Variants in VTI1A observed in about 807,000 individuals in gnomAD.
VTI1A encodes the protein vesicle transport through interaction with t-SNAREs homolog 1A.
VTI1A carries 22 observed loss-of-function variants against 34.9 expected under a neutral mutation model. That is an observed-to-expected ratio of 0.63 (90% CI 0.45 to 0.90). The LOEUF (loss-of-function observed/expected upper bound fraction) is 0.90. VTI1A is among the 40% of genes least tolerant of loss of function. The pLI is 0.00. For missense variants in VTI1A, 268 were observed against 275.6 expected (o/e 0.97, Z 0.20); for synonymous variants, 87 against 97.3 (o/e 0.89, Z 0.62).
the VTI1A span, among the ~76,000 whole-genome samples, chr10:112,842,712 A>G: frequency 6.6e-6 from 1 of 152,228 alleles, no homozygotes; most frequent in African/African-American, 2.4e-5. Context: ...GATCACAGAC[A>G]TAACACAGAA....
intron 7 of VTI1A, among the ~76,000 whole-genome samples, chr10:112,690,510 C>A (rs1262731207): frequency 6.6e-6 from 1 of 152,154 alleles, no homozygotes; most frequent in Admixed American, 6.5e-5. Flanking sequence ...TTTACATTAC[C>A]CACCTGTAAC....
At chr10:112,770,576 T>TTA (rs1348400668) in intron 7 of VTI1A, among the ~76,000 whole-genome samples, 1 of 151,154 alleles carries the variant, frequency 6.6e-6, no homozygotes, top group African/African-American at 2.4e-5. Context: ...TTTTTTTTTT[T>TTA]TATGTATTTT....
At chr10:112,629,476 A>G (rs1846052091) in intron 5 of VTI1A, among the ~76,000 whole-genome samples, 1 of 152,232 alleles carries the variant, frequency 6.6e-6, no homozygotes, top group African/African-American at 2.4e-5. Flanking sequence ...CATTGGAATT[A>G]AGAAGAAACA....
At chr10:112,635,632 T>G (rs893286575) in intron 5 of VTI1A, among the ~76,000 whole-genome samples, 10 of 152,158 alleles carry the variant, frequency 6.6e-5, no homozygotes, top group African/African-American at 2.2e-4. Flanking sequence ...TAAGAGGCTT[T>G]TGCACTGGTC....
At chr10:112,807,467 C>T (rs1323393892) in intron 7 of VTI1A, among the ~76,000 whole-genome samples, 1 of 152,208 alleles carries the variant, frequency 6.6e-6, no homozygotes, top group African/African-American at 2.4e-5. Context: ...CAGTCTCTGC[C>T]TCCATCTTCA....
intron 7 of VTI1A, among the ~76,000 whole-genome samples, chr10:112,700,141 CAAAA>C (rs1242861727): frequency 1.9e-5 from 2 of 104,100 alleles, no homozygotes; most frequent in African/African-American, 4.2e-5. Flanking sequence ...AAAAACAAAA[CAAAA>C]AAAAAAAAAC....
At chr10:112,569,387 A>T (rs1444340191) in intron 5 of VTI1A, among the ~76,000 whole-genome samples, 1 of 152,212 alleles carries the variant, frequency 6.6e-6, no homozygotes, top group African/African-American at 2.4e-5. Context: ...AGTCCAATTG[A>T]AGGGCAGTAT....
At chr10:112,584,582 T>C (rs1375231494) in intron 5 of VTI1A, among the ~76,000 whole-genome samples, 2 of 152,236 alleles carry the variant, frequency 1.3e-5, no homozygotes, top group Admixed American at 6.5e-5. Flanking sequence ...CCTCCACAGC[T>C]GACTTGCTTG....
intron 7 of VTI1A, among the ~76,000 whole-genome samples, chr10:112,777,959 G>A (rs188276716): frequency 3.3e-5 from 5 of 152,078 alleles, no homozygotes; most frequent in African/African-American, 9.6e-5. Context: ...AAAATTAGCC[G>A]GGCATGGTGG....
intron 5 of VTI1A, among the ~76,000 whole-genome samples, chr10:112,601,433 T>TTC (rs2134471700): frequency 6.6e-6 from 1 of 151,914 alleles, no homozygotes; most frequent in African/African-American, 2.4e-5. Flanking sequence ...TTACTTTTTT[T>TTC]TTTTTTAATT....
At chr10:112,599,539 T>C (rs987159692) in intron 5 of VTI1A, among the ~76,000 whole-genome samples, 1 of 152,210 alleles carries the variant, frequency 6.6e-6, no homozygotes, top group Non-Finnish European at 1.5e-5. Context: ...TGGAAAGCCT[T>C]CAATGCCAGA....
At chr10:112,576,957 A>T (rs1473913697) in intron 5 of VTI1A, among the ~76,000 whole-genome samples, 1 of 152,194 alleles carries the variant, frequency 6.6e-6, no homozygotes, top group East Asian at 1.9e-4. Flanking sequence ...TTGTTGTTTT[A>T]AAAAAAGAAA....
rs145228894 is a variant in VTI1A at position 112,691,888 on chromosome 10, T to C, written c.560+22890T>C. Among the ~76,000 whole-genome samples the C allele has an allele frequency of 2.0e-3, 304 of 152,310 alleles. 1 individual carries two copies. Among genetic ancestry groups the C allele is most frequent in the Non-Finnish European group, 3.6e-3 (244 of 68,020 alleles). ...AAGGACACCATTCAGGGAGACTCAA[T>C]TGGGATCACTGCATTCTGATAACCT... On this transcript the variant is annotated intron_variant, in intron 7 of 7. Transcript: ENST00000393077.
intron 7 of VTI1A, among the ~76,000 whole-genome samples, chr10:112,743,859 T>C (rs1345786943): frequency 6.6e-6 from 1 of 152,224 alleles, no homozygotes; most frequent in Non-Finnish European, 1.5e-5. Context: ...TGAACACCTT[T>C]CTTCCTGGTA....
chr10:112,470,894 TA>T (rs1848051901), intron 3 of VTI1A, among the ~76,000 whole-genome samples: 1 of 151,948 alleles, frequency 6.6e-6, no homozygotes, highest in Non-Finnish European at 1.5e-5. Flanking sequence ...TGTCAAAAAA[TA>T]AAATAAAATA....
At chr10:112,447,210 G>A (rs1564775779), upstream of VTI1A, 1 of 640,774 alleles carries the variant, frequency 1.6e-6, no homozygotes, top group African/African-American at 1.8e-5. Flanking sequence ...AACCGAGATT[G>A]CGACGAACAA....
chr10:112,527,250 C>T (rs187837282), intron 4 of VTI1A, 86 bp downstream of exon 4: 92 of 1,177,640 alleles, frequency 7.8e-5, no homozygotes, highest in Middle Eastern at 5.1e-4. Context: ...TGCTCCTTAA[C>T]GGTATTAGCA....
intron 5 of VTI1A, among the ~76,000 whole-genome samples, chr10:112,634,996 CAG>C (rs1198301652): frequency 1.3e-5 from 2 of 152,152 alleles, no homozygotes; most frequent in Non-Finnish European, 2.9e-5. Flanking sequence ...AATAGGCAGA[CAG>C]AGGAGCATTA....
At chr10:112,517,842 A>T (rs1481339963) in intron 3 of VTI1A, among the ~76,000 whole-genome samples, 1 of 152,100 alleles carries the variant, frequency 6.6e-6, no homozygotes, top group African/African-American at 2.4e-5. Context: ...CAGCCTAAGA[A>T]GTCATGACTA....
Sources: gnomAD v4.1 joint callset for allele counts (sites outside exome capture counted in the v4.1 genomes callset) on GRCh38, gnomAD v4.1.1 for gene constraint, MANE v1.5 for transcripts, NCBI Gene and HGNC (gene_info 2026-07-23, HGNC 2026-07-21) for gene names.